CLSTN2: variants seen among roughly 807,000 people sequenced by gnomAD.
CLSTN2 encodes the protein calsyntenin 2, also known as calsyntenin-2.
In CLSTN2, 48 loss-of-function variants were observed where a neutral mutation model predicts 101.2. The ratio of observed to expected loss-of-function variants is 0.47; its 90% CI spans 0.38 to 0.60. The LOEUF (loss-of-function observed/expected upper bound fraction) is 0.60, where lower values mean the gene tolerates loss of function less well. Among genes scored for constraint, CLSTN2 ranks in the 20% least tolerant of loss-of-function variants. The probability of loss-of-function intolerance (pLI) is 0.00; values close to 1 mark genes in which losing one functional copy is unlikely to be tolerated. For synonymous variants in CLSTN2, 481 were observed against 463.6 expected (o/e 1.04, Z -0.48); for missense variants, 1,160 against 1,238.2 (o/e 0.94, Z 0.95).
intron 1 of CLSTN2, among the ~76,000 whole-genome samples, chr3:140,003,058 T>C (rs945720990): frequency 1.3e-5 from 2 of 152,224 alleles, no homozygotes; most frequent in Non-Finnish European, 2.9e-5. Context: ...TCTTTTGTGG[T>C]TCCATATAAA....
intron 1 of CLSTN2, among the ~76,000 whole-genome samples, chr3:140,081,550 C>G (rs1023908635): frequency 9.9e-5 from 15 of 152,160 alleles, no homozygotes; most frequent in African/African-American, 3.6e-4. Context: ...TCAGTTTCTG[C>G]GCTGCAGCCC....
At chr3:140,137,605 C>T (rs146294905) in intron 1 of CLSTN2, among the ~76,000 whole-genome samples, 68 of 152,216 alleles carry the variant, frequency 4.5e-4, no homozygotes, top group Middle Eastern at 3.4e-3. Flanking sequence ...GTAGTAATGA[C>T]GAGATTTGAA....
chr3:140,397,237 T>A (rs1189397373), intron 2 of CLSTN2, among the ~76,000 whole-genome samples: 1 of 152,136 alleles, frequency 6.6e-6, no homozygotes, highest in African/African-American at 2.4e-5. Flanking sequence ...GCCTTCAACC[T>A]GTTGTGATAT....
At chr3:140,534,004 A>G (rs1364835292) in intron 9 of CLSTN2, among the ~76,000 whole-genome samples, 1 of 152,158 alleles carries the variant, frequency 6.6e-6, no homozygotes, top group Non-Finnish European at 1.5e-5. Context: ...ATTTCAGTAG[A>G]GCTTGGCAAT....
At chr3:140,440,204 G>A (rs897476338) in intron 5 of CLSTN2, among the ~76,000 whole-genome samples, 7 of 152,164 alleles carry the variant, frequency 4.6e-5, no homozygotes, top group Admixed American at 6.5e-5. Flanking sequence ...GGCAGGGACC[G>A]AGCGAGTACA....
chr3:140,165,240 T>C (rs545983471), intron 1 of CLSTN2, among the ~76,000 whole-genome samples: 5 of 152,298 alleles, frequency 3.3e-5, no homozygotes, highest in African/African-American at 1.2e-4. Context: ...CCCTAAGATT[T>C]GGGAGGCATG....
chr3:140,410,280 A>G (rs772515608), intron 4 of CLSTN2, among the ~76,000 whole-genome samples: 2 of 152,008 alleles, frequency 1.3e-5, no homozygotes, highest in Non-Finnish European at 2.9e-5. Context: ...GACACAGCGA[A>G]TTTTGAAAGC....
At chr3:139,938,267 A>G (rs1935064778) in intron 1 of CLSTN2, among the ~76,000 whole-genome samples, 1 of 152,086 alleles carries the variant, frequency 6.6e-6, no homozygotes, top group Non-Finnish European at 1.5e-5. Context: ...TTTCTGACAG[A>G]GTTGAATGCA....
At chr3:140,504,776 T>C (rs1934651038) in intron 8 of CLSTN2, among the ~76,000 whole-genome samples, 1 of 152,230 alleles carries the variant, frequency 6.6e-6, no homozygotes, top group South Asian at 2.1e-4. Context: ...ATAAGGACTA[T>C]TCCACCTTCT....
At chr3:140,513,538 A>G (rs1934855148) in intron 8 of CLSTN2, among the ~76,000 whole-genome samples, 1 of 149,570 alleles carries the variant, frequency 6.7e-6, no homozygotes, top group South Asian at 2.1e-4. Context: ...TTTTGCATCA[A>G]TGTTCATCAA....
chr3:140,220,859 A>G (rs2086264830), intron 2 of CLSTN2, among the ~76,000 whole-genome samples: 1 of 151,844 alleles, frequency 6.6e-6, no homozygotes, highest in African/African-American at 2.4e-5. Context: ...TGTGCCCGGG[A>G]CTGTGTTCCC....
chr3:140,102,989 T>C (rs1446760950), intron 1 of CLSTN2, among the ~76,000 whole-genome samples: 2 of 152,238 alleles, frequency 1.3e-5, no homozygotes, highest in Admixed American at 6.5e-5. Flanking sequence ...ATATCTATTT[T>C]GAGAATTTGA....
At chr3:140,118,769 T>C (rs565388391) in intron 1 of CLSTN2, among the ~76,000 whole-genome samples, 2 of 152,292 alleles carry the variant, frequency 1.3e-5, no homozygotes, top group East Asian at 3.9e-4. Context: ...TTTCTACATC[T>C]TTGGAATATG....
chr3:140,432,890 C>T (rs2088648960), intron 5 of CLSTN2, among the ~76,000 whole-genome samples: 1 of 152,198 alleles, frequency 6.6e-6, no homozygotes, highest in South Asian at 2.1e-4. Flanking sequence ...TACTATTTGC[C>T]AAGCCTTATC....
chr3:140,019,177 A>C (rs1286231490), intron 1 of CLSTN2, among the ~76,000 whole-genome samples: 1 of 152,196 alleles, frequency 6.6e-6, no homozygotes, highest in Non-Finnish European at 1.5e-5. Context: ...GGTTAATTTT[A>C]TGTGTCCTCT....
chr3:140,250,872 C>G (rs549339409), intron 2 of CLSTN2, among the ~76,000 whole-genome samples: 28 of 152,086 alleles, frequency 1.8e-4, no homozygotes, highest in South Asian at 6.2e-4. Context: ...TCAAAGGTTG[C>G]TTTTTTTTGG....
intron 9 of CLSTN2, among the ~76,000 whole-genome samples, chr3:140,534,547 A>G (rs1158931295): frequency 6.6e-6 from 1 of 152,242 alleles, no homozygotes; most frequent in Non-Finnish European, 1.5e-5. Context: ...CTCACTTCAT[A>G]TTTACTGAAA....
chr3:140,070,976 C>T (rs917716680), intron 1 of CLSTN2, among the ~76,000 whole-genome samples: 2 of 152,150 alleles, frequency 1.3e-5, no homozygotes, highest in Admixed American at 6.5e-5. Context: ...GAAAATTAAG[C>T]CCATGAGAAG....
intron 8 of CLSTN2, among the ~76,000 whole-genome samples, chr3:140,490,974 G>T (rs922937983): frequency 2.0e-5 from 3 of 152,308 alleles, no homozygotes; most frequent in Middle Eastern, 3.4e-3. Context: ...GACAGAGAGA[G>T]GCAGAACATT....
Sources: gnomAD v4.1 joint callset for allele counts (sites outside exome capture counted in the v4.1 genomes callset) on GRCh38, gnomAD v4.1.1 for gene constraint, MANE v1.5 for transcripts, NCBI Gene and HGNC (gene_info 2026-07-23, HGNC 2026-07-21) for gene names.